The following KCNK2 variants were observed in gnomAD, a reference collection of about 807,000 sequenced individuals.
KCNK2 encodes the protein potassium two pore domain channel subfamily K member 2, also known as potassium channel subfamily K member 2.
Under a neutral mutation model 40.5 loss-of-function variants are expected in KCNK2, and 21 were observed. The observed-to-expected ratio is 0.52, with a 90% CI of 0.37 to 0.75. The LOEUF (loss-of-function observed/expected upper bound fraction) is 0.75. Among genes scored for constraint, KCNK2 ranks in the 30% least tolerant of loss-of-function variants. The pLI, the probability that KCNK2 is intolerant of heterozygous loss-of-function variation, is 0.00. For missense variants in KCNK2, 399 were observed against 531.6 expected, an observed-to-expected ratio of 0.75 and a Z score of 2.45; for synonymous variants, 191 against 202.2, an observed-to-expected ratio of 0.94 and a Z score of 0.47.
At position 215,177,731 on chromosome 1, in the gene KCNK2, TATATATATA is replaced by T. The variant is rs1159115939; in HGVS notation, c.823+5549_823+5557del. The stretch of plus-strand genomic sequence containing the variant: ...GCCTATATATATATGTGTATATATA[TATATATATA>T]TTTTTTTTTTTTGTAGCAGTACCAT... On this transcript the variant is annotated intron_variant, in intron 5 of 6. Transcript: ENST00000444842. Among the ~76,000 whole-genome samples, 275 of 59,372 alleles carry T rather than the reference TATATATATA, an allele frequency of 4.6e-3. 2 individuals are homozygous for T. Among genetic ancestry groups the T allele is most frequent in the African/African-American group, 0.015 (265 of 17,132 alleles). The allele number at this position is 59,372 out of a possible 152,430, so 39.0% of individuals were successfully genotyped here.
At chr1:215,203,171 G>T (rs925568300) in intron 6 of KCNK2, among the ~76,000 whole-genome samples, 3 of 152,058 alleles carry the variant, frequency 2.0e-5, no homozygotes, top group Non-Finnish European at 2.9e-5. Flanking sequence ...AATTATTTAT[G>T]GTATAGATCA....
intron 6 of KCNK2, among the ~76,000 whole-genome samples, chr1:215,203,907 G>A (rs917837338): frequency 8.6e-5 from 13 of 151,466 alleles, no homozygotes; most frequent in Admixed American, 4.6e-4. Flanking sequence ...GTGCGGTGGC[G>A]GGCGCCTGTA....
At chr1:215,163,992 T>A (rs1458793789) in intron 3 of KCNK2, among the ~76,000 whole-genome samples, 1 of 152,200 alleles carries the variant, frequency 6.6e-6, no homozygotes, top group East Asian at 1.9e-4. Flanking sequence ...TCAGAAGGAA[T>A]GGTACCAGCT....
intron 6 of KCNK2, among the ~76,000 whole-genome samples, 196 bp from the exon 7 acceptor site, chr1:215,234,632 G>T (rs1454354976): frequency 6.6e-6 from 1 of 152,130 alleles, no homozygotes; most frequent in South Asian, 2.1e-4. Flanking sequence ...ATTAATTTTA[G>T]AGCTATATCT....
At chr1:215,234,683 C>A in intron 6 of KCNK2, 145 bp from the exon 7 acceptor site, 1 of 707,356 alleles carries the variant, frequency 1.4e-6, no homozygotes, top group East Asian at 2.6e-5. Flanking sequence ...TGCCTAATTT[C>A]ATCAATTCTC....
intron 5 of KCNK2, among the ~76,000 whole-genome samples, chr1:215,179,340 A>G (rs1020135321): frequency 1.3e-5 from 2 of 151,738 alleles, no homozygotes; most frequent in Non-Finnish European, 2.9e-5. Flanking sequence ...TTGAGTCTCA[A>G]TTTCATTTAG....
intron 6 of KCNK2, among the ~76,000 whole-genome samples, chr1:215,206,837 G>A (rs769626655): frequency 6.6e-6 from 1 of 152,140 alleles, no homozygotes; most frequent in Non-Finnish European, 1.5e-5. Context: ...GGCTGAAACA[G>A]ATTATAACTT....
At chr1:215,039,986 A>T (rs1204029167) in intron 1 of KCNK2, among the ~76,000 whole-genome samples, 3 of 152,126 alleles carry the variant, frequency 2.0e-5, no homozygotes, top group Non-Finnish European at 4.4e-5. Flanking sequence ...AACATTATGG[A>T]ATGCCATTCT....
At chr1:215,187,747 AC>A (rs1470588225) in intron 5 of KCNK2, among the ~76,000 whole-genome samples, 2 of 151,870 alleles carry the variant, frequency 1.3e-5, no homozygotes, top group East Asian at 3.9e-4. Flanking sequence ...GAAGTCCTTA[AC>A]ACTCCTTTTC....
chr1:215,086,507 C>T lies in KCNK2; in HGVS notation c.186C>T (p.Val62=). 6.2e-7 allele frequency: 1 copy of T among 1,614,132 alleles called. No individual in the cohort carries two copies. Among genetic ancestry groups the T allele is most frequent in the Non-Finnish European group, 8.5e-7 (1 of 1,180,020 alleles). ...TTAATGTTATGAAATGGAAGACGGT[C>T]TCCACGATATTCCTGGTGGTTGTCC... ...TTINVMKWKT[V]STIFLVVVLY... The change falls in exon 2 of 7, where the codon GTC becomes GTT. Residue 62 remains valine (V), a synonymous_variant. Coordinates refer to ENST00000444842, the MANE Select transcript of KCNK2 (RefSeq NM_001017425.3).
At chr1:215,110,401 C>A (rs938494295) in intron 2 of KCNK2, among the ~76,000 whole-genome samples, 1 of 151,852 alleles carries the variant, frequency 6.6e-6, no homozygotes, top group African/African-American at 2.4e-5. Flanking sequence ...ATAGTGTAAG[C>A]TAAGGGTCCA....
At chr1:215,230,523 ATATATATATG>A (rs1360918859) in intron 6 of KCNK2, among the ~76,000 whole-genome samples, 136 of 95,480 alleles carry the variant, frequency 1.4e-3, no homozygotes, top group East Asian at 0.013. Flanking sequence ...ATATATATAT[ATATATATATG>A]TATATATATA....
At chr1:215,124,501 A>G in intron 2 of KCNK2, 132 bp from the exon 3 acceptor site, 1 of 699,288 alleles carries the variant, frequency 1.4e-6, no homozygotes, top group Non-Finnish European at 2.6e-6. Flanking sequence ...TATATTATAC[A>G]TTTTAAATGG....
chr1:215,108,764 A>T (rs1377319773), intron 2 of KCNK2, among the ~76,000 whole-genome samples: 1 of 141,608 alleles, frequency 7.1e-6, no homozygotes, highest in Non-Finnish European at 1.5e-5. Flanking sequence ...TGTTTAAATT[A>T]TAGTAAACAA....
At chr1:215,141,436 T>C (rs1662169785) in intron 3 of KCNK2, among the ~76,000 whole-genome samples, 1 of 152,106 alleles carries the variant, frequency 6.6e-6, no homozygotes, top group Admixed American at 6.6e-5. Flanking sequence ...ATTTTTCAGC[T>C]CTGTTATAAT....
chr1:215,125,290 T>TA (rs1206809730), intron 3 of KCNK2, among the ~76,000 whole-genome samples: 2 of 152,142 alleles, frequency 1.3e-5, no homozygotes, highest in Admixed American at 1.3e-4. Context: ...GTAAGGATTA[T>TA]AAAAAGTATG....
At chr1:215,160,676 A>G (rs1299895511) in intron 3 of KCNK2, among the ~76,000 whole-genome samples, 1 of 151,902 alleles carries the variant, frequency 6.6e-6, no homozygotes, top group African/African-American at 2.4e-5. Context: ...ACTTCCCTTT[A>G]TCCTTTTATA....
intron 1 of KCNK2, among the ~76,000 whole-genome samples, chr1:215,035,832 G>A (rs1657363848): frequency 6.6e-6 from 1 of 151,964 alleles, no homozygotes; most frequent in African/African-American, 2.4e-5. Flanking sequence ...GAACCCAGCT[G>A]TGTATTTTTA....
chr1:215,169,151 G>A, intron 3 of KCNK2, 48 bp from the exon 4 acceptor site: 1 of 1,476,808 alleles, frequency 6.8e-7, no homozygotes, highest in Non-Finnish European at 9.2e-7. Context: ...GAGTTCATAT[G>A]TTTTAAACAA....
Sources: gnomAD v4.1 joint callset for allele counts (sites outside exome capture counted in the v4.1 genomes callset) on GRCh38, gnomAD v4.1.1 for gene constraint, MANE v1.5 for transcripts, NCBI Gene and HGNC (gene_info 2026-07-23, HGNC 2026-07-21) for gene names.